The following ADAM22 variants were observed in gnomAD, a reference collection of about 807,000 sequenced individuals.
ADAM22 encodes the protein ADAM metallopeptidase domain 22.
In ADAM22, 65 loss-of-function variants were observed where a neutral mutation model predicts 144.6. That is an observed-to-expected ratio of 0.45 (90% confidence interval 0.37 to 0.55). The LOEUF (loss-of-function observed/expected upper bound fraction) is 0.55. Ranked by LOEUF, ADAM22 falls within the 20% of genes least tolerant of loss-of-function variation. The pLI is 0.00. For missense variants in ADAM22, 974 were observed against 1,184.9 expected, an observed-to-expected ratio of 0.82 and a Z score of 2.61; for synonymous variants, 391 against 412.6, an observed-to-expected ratio of 0.95 and a Z score of 0.63.
At chr7:88,035,726 T>A (rs1372698827) in intron 3 of ADAM22, among the ~76,000 whole-genome samples, 2 of 152,222 alleles carry the variant, frequency 1.3e-5, no homozygotes, top group Admixed American at 1.3e-4. Flanking sequence ...ATAGGCTGTA[T>A]GCAAATACCA....
In ADAM22 at chr7:88,202,368, A is replaced by G. The variant is rs1851262356; in HGVS notation, c.*5877A>G. ...ACTTCTTTCAGAAACGGGGTGTTTT[A>G]CCTAAACATAGTAGCTTACATGTTA... is the stretch of plus-strand genomic sequence containing the variant. On this transcript the variant is annotated 3_prime_UTR_variant, in exon 32 of 32. Coordinates refer to ENST00000413139, the MANE Select transcript of ADAM22 (RefSeq NM_001324418.2). The G allele has an allele frequency of 6.6e-6, 1 of 152,182 alleles. No individual in the cohort carries two copies. The highest frequency in any genetic ancestry group is 1.5e-5 in the Non-Finnish European group (1 of 68,036). 9.4% of individuals were successfully genotyped at this position (152,182 alleles called of 1,614,324 possible). A position where few individuals can be genotyped will look rare whatever the true frequency, so the allele number is the denominator to read the frequency against.
At chr7:87,995,109 C>T (rs1222177408) in intron 3 of ADAM22, among the ~76,000 whole-genome samples, 2 of 152,178 alleles carry the variant, frequency 1.3e-5, no homozygotes, top group South Asian at 2.1e-4. Flanking sequence ...TGAGCCACCG[C>T]GTTAACTGGT....
At chr7:88,192,388 G>A (rs867921471) in intron 30 of ADAM22, among the ~76,000 whole-genome samples, 1 of 152,284 alleles carries the variant, frequency 6.6e-6, no homozygotes, top group African/African-American at 2.4e-5. Context: ...TGTCTAGTAT[G>A]TTCAGCTTAG....
chr7:87,984,396 C>T (rs1256369490), intron 3 of ADAM22, among the ~76,000 whole-genome samples: 1 of 152,006 alleles, frequency 6.6e-6, no homozygotes, highest in African/African-American at 2.4e-5. Context: ...GTTGGTGTCA[C>T]CAATGGGAAA....
At chr7:88,152,153 C>T (rs1030066338) in intron 20 of ADAM22, among the ~76,000 whole-genome samples, 6 of 152,090 alleles carry the variant, frequency 3.9e-5, no homozygotes, top group Admixed American at 2.0e-4. Flanking sequence ...TTTAGTCAGG[C>T]AGGTTTGTAC....
rs1851146088 is a variant in ADAM22 at position 88,200,752 on chromosome 7, T to G, written c.*4261T>G. 6.6e-6 allele frequency: 1 copy of G among 152,242 alleles called. No homozygotes were observed. The highest frequency in any genetic ancestry group is 1.5e-5 in the Non-Finnish European group (1 of 68,050). 9.4% of individuals were successfully genotyped at this position (152,242 alleles called of 1,614,324 possible). On this transcript the variant is annotated 3_prime_UTR_variant, in exon 32 of 32. Coordinates refer to ENST00000413139, the MANE Select transcript of ADAM22 (RefSeq NM_001324418.2). ...CACTTCCGTGGAATAGGGCTTAATT[T>G]GGGGCTCAAATGTTTTGTTTTCCTC...
At chr7:87,982,106 CACAT>C (rs58283021) in intron 3 of ADAM22, among the ~76,000 whole-genome samples, 7,808 of 139,336 alleles carry the variant, frequency 0.056, 596 homozygotes, top group East Asian at 0.16. Context: ...CACACACACA[CACAT>C]GCATACACAA....
At chr7:88,162,133 C>CACACACACACACACACACACACA (rs1554510200) in intron 22 of ADAM22, among the ~76,000 whole-genome samples, 7 of 149,382 alleles carry the variant, frequency 4.7e-5, no homozygotes, top group African/African-American at 1.5e-4. Context: ...CACACACACA[C>CACACACACACACACACACACACA]CATGGAATAC....
At chr7:88,035,412 G>T (rs551814779) in intron 3 of ADAM22, among the ~76,000 whole-genome samples, 18 of 152,210 alleles carry the variant, frequency 1.2e-4, no homozygotes, top group Non-Finnish European at 2.6e-4. Flanking sequence ...CCCAAGGGAA[G>T]GGGTGGGGAT....
intron 3 of ADAM22, among the ~76,000 whole-genome samples, chr7:88,067,399 C>T (rs553314847): frequency 9.6e-4 from 146 of 151,904 alleles, no homozygotes; most frequent in Non-Finnish European, 4.3e-4. Flanking sequence ...CTCCCTCCTC[C>T]CCCCACCCCA....
In ADAM22 at chr7:88,144,484, G is replaced by A. The variant is rs144680429; in HGVS notation, c.1321-641G>A. Reference sequence around the variant, plus strand: ...GTTCGCTGCAAAACTATCTTAATAGGAGGAGCTGTATTTTTTATTAAGTCG... The same window carrying A: ...GTTCGCTGCAAAACTATCTTAATAGAAGGAGCTGTATTTTTTATTAAGTCG... On this transcript the variant is annotated intron_variant, in intron 15 of 31. Transcript: ENST00000413139. 1.6e-3 allele frequency among the ~76,000 whole-genome samples: 241 copies of A among 152,170 alleles called. 1 individual carries two copies. The highest frequency in any genetic ancestry group is 5.5e-3 in the African/African-American group (228 of 41,512).
intron 25 of ADAM22, among the ~76,000 whole-genome samples, chr7:88,169,017 G>T (rs1344522692): frequency 1.3e-5 from 2 of 152,066 alleles, no homozygotes; most frequent in African/African-American, 4.8e-5. Context: ...GTTAATATAT[G>T]TCAAACACTC....
In ADAM22 at chr7:87,947,096, T is replaced by C. The variant is rs548769811; in HGVS notation, c.246+11910T>C. On this transcript the variant is annotated intron_variant, in intron 2 of 31. Coordinates refer to ENST00000413139, the MANE Select transcript of ADAM22 (RefSeq NM_001324418.2). ...GGGCAAGGGTTGAAAAACTAACTGC[T>C]GGGTACTATGCTCAGCATCTGCGTG... 2.0e-5 allele frequency among the ~76,000 whole-genome samples: 3 copies of C among 152,246 alleles called. No homozygotes were observed. In the South Asian group the frequency reaches 6.2e-4, roughly 32 times the overall value.
intron 26 of ADAM22, among the ~76,000 whole-genome samples, chr7:88,173,147 A>G (rs562657350): frequency 6.6e-6 from 1 of 152,158 alleles, no homozygotes; most frequent in East Asian, 1.9e-4. Flanking sequence ...AAAATGATTA[A>G]TATTGAAAAG....
chr7:88,030,868 G>A (rs1800079193), intron 3 of ADAM22, among the ~76,000 whole-genome samples: 1 of 152,150 alleles, frequency 6.6e-6, no homozygotes, highest in Non-Finnish European at 1.5e-5. Context: ...TGTAATCCCA[G>A]CACTTTGGGA....
intron 3 of ADAM22, among the ~76,000 whole-genome samples, chr7:88,056,776 A>G (rs1808364273): frequency 6.6e-6 from 1 of 152,230 alleles, no homozygotes; most frequent in South Asian, 2.1e-4. Context: ...AGTTTTGTAA[A>G]ATCTGGCAGG....
intron 4 of ADAM22, among the ~76,000 whole-genome samples, chr7:88,081,860 A>G (rs957951894): frequency 4.7e-5 from 7 of 149,720 alleles, no homozygotes; most frequent in African/African-American, 1.7e-4. Context: ...ATGGAAGAAC[A>G]TTCCATGCTC....
chr7:88,075,797 G>A (rs1563159526), intron 4 of ADAM22, 105 bp downstream of exon 4: 6 of 891,772 alleles, frequency 6.7e-6, no homozygotes, highest in Non-Finnish European at 1.0e-5. Flanking sequence ...AGTTTTGAGG[G>A]TTTTAAAAAT....
At chr7:88,124,927 C>T (rs1420723751) in intron 7 of ADAM22, among the ~76,000 whole-genome samples, 41 of 151,934 alleles carry the variant, frequency 2.7e-4, no homozygotes, top group Admixed American at 2.7e-3. Flanking sequence ...CTTCAGGTTG[C>T]TCAACCATCA....
Sources: allele counts gnomAD v4.1 joint callset (sites outside exome capture counted in the v4.1 genomes callset), GRCh38; gene constraint gnomAD v4.1.1; transcripts MANE v1.5; gene names NCBI Gene and HGNC (gene_info 2026-07-23, HGNC 2026-07-21).